The following EIF2D variants were observed in gnomAD, a reference collection of about 807,000 sequenced individuals.
The protein encoded by EIF2D is hepatocellular carcinoma-associated antigen 56.
In EIF2D, 56 loss-of-function variants were observed where a neutral mutation model predicts 77.4. The ratio of observed to expected loss-of-function variants is 0.72; its 90% CI spans 0.58 to 0.90. The LOEUF (loss-of-function observed/expected upper bound fraction) is 0.90. Among genes scored for constraint, EIF2D ranks in the 40% least tolerant of loss-of-function variants. The pLI is 0.00. For synonymous variants in EIF2D, 230 were observed against 271.0 expected, an observed-to-expected ratio of 0.85 and a Z score of 1.49; for missense variants, 574 against 706.5, an observed-to-expected ratio of 0.81 and a Z score of 2.13.
chr1:206,607,642 GATA>G (rs200148663), intron 4 of EIF2D, among the ~76,000 whole-genome samples: 3,381 of 152,000 alleles, frequency 0.022, 67 homozygotes, highest in Non-Finnish European at 0.033. Context: ...AAAAGATGAG[GATA>G]ATGATATGCA....
intron 4 of EIF2D, among the ~76,000 whole-genome samples, chr1:206,575,867 A>T (rs1334883360): frequency 1.3e-5 from 2 of 152,228 alleles, no homozygotes; most frequent in African/African-American, 4.8e-5. Context: ...CTAACGCCAA[A>T]GTCCAAAGCC....
chr1:206,591,932 T>A, intron 14 of EIF2D, 87 bp from the exon 15 acceptor site: 1 of 1,290,218 alleles, frequency 7.8e-7, no homozygotes, highest in Non-Finnish European at 1.1e-6. Flanking sequence ...CCTCACAATG[T>A]CATTCCACCC....
In EIF2D at chr1:206,593,781, G is replaced by A. The variant is rs781892470; in HGVS notation, c.1522C>T (p.Arg508Trp). The change falls in exon 14 of 15, where the codon CGG becomes TGG. Residue 508 changes from arginine to tryptophan, a missense_variant. Transcript: ENST00000271764. ...RASNKKVTVVRNLEAYGLDPY... is the reference protein window; with the variant it reads ...RASNKKVTVVWNLEAYGLDPY... ...TCCAGACCATAGGCCTCCAAGTTCC[G>A]GACCACGGTCACCTGGGGGGACAGT... The A allele has an allele frequency of 6.9e-6, 11 of 1,600,202 alleles. No homozygotes were observed. Among genetic ancestry groups the A allele is most frequent in the Admixed American group, 5.0e-5 (3 of 59,538 alleles).
chr1:206,588,078 C>T (rs935435239), downstream of EIF2D: 6 of 152,762 alleles, frequency 3.9e-5, no homozygotes, highest in Admixed American at 6.5e-5. Context: ...GGGCCAGACC[C>T]GGCACTGCGC....
chr1:206,607,219 A>G (rs1553412883), intron 4 of EIF2D, among the ~76,000 whole-genome samples: 1 of 152,220 alleles, frequency 6.6e-6, no homozygotes, highest in Non-Finnish European at 1.5e-5. Flanking sequence ...AAAATTAAAA[A>G]AAGAAAACGT....
intron 4 of EIF2D, among the ~76,000 whole-genome samples, chr1:206,573,775 A>G (rs1668536867): frequency 6.6e-6 from 1 of 152,248 alleles, no homozygotes; most frequent in Non-Finnish European, 1.5e-5. Flanking sequence ...TGGGAGGCCA[A>G]AGCGGGAGGA....
chr1:206,608,204 T>C, intron 4 of EIF2D, 32 bp downstream of exon 4: 1 of 1,592,884 alleles, frequency 6.3e-7, no homozygotes, highest in Non-Finnish European at 8.6e-7. Context: ...CACAAGTTTT[T>C]CCCCCAAAGG....
chr1:206,591,886 C>T (rs1553409040), intron 14 of EIF2D, 41 bp from the exon 15 acceptor site: 1 of 1,608,016 alleles, frequency 6.2e-7, no homozygotes, highest in East Asian at 2.2e-5. Flanking sequence ...GGAGCATGAC[C>T]TTGCTCCCCG....
In EIF2D at chr1:206,612,455, C is replaced by T; in HGVS notation, c.-113G>A. ...TGGGGGCAGCCATGCTGGGGCCCGG[C>T]CGCGAAAAGGGCCCGGCTGGAAACC... On this transcript the variant is annotated 5_prime_UTR_variant, in exon 1 of 15. Coordinates refer to ENST00000271764, the MANE Select transcript of EIF2D (RefSeq NM_006893.3). 1 of 1,409,226 alleles carries T rather than the reference C, an allele frequency of 7.1e-7. No homozygotes were observed. The highest frequency in any genetic ancestry group is 9.9e-7 in the Non-Finnish European group (1 of 1,005,984). 87.3% of individuals were successfully genotyped at this position (1,409,226 alleles called of 1,614,324 possible).
chr1:206,584,429 A>G lies in EIF2D; in HGVS notation c.139-3267T>C. ...CACGGGTTTCATCAAAGTGCATCTG[A>G]AACTCCGGCGGCCTGTGACGGTGCC... On this transcript the variant is annotated intron_variant and NMD_transcript_variant, in intron 2 of 5. Coordinates refer to the EIF2D transcript ENST00000472709. The surrounding 1 kb of genome is among the most constrained non-coding windows in gnomAD (Gnocchi z 4.9). 6.2e-7 allele frequency: 1 copy of G among 1,614,100 alleles called. No homozygotes were observed. Among genetic ancestry groups the G allele is most frequent in the Non-Finnish European group, 8.5e-7 (1 of 1,179,986 alleles).
intron 2 of EIF2D, chr1:206,585,187 C>T (rs782493973): frequency 1.2e-6 from 2 of 1,613,830 alleles, no homozygotes; most frequent in Admixed American, 1.7e-5. Context: ...CAGTGCTCTT[C>T]CAGAAACTCT....
rs1668796691 is a variant in EIF2D, at chr1:206,579,780, G to GT, written c.*254+911dup. ...CCAGATGATTGCACTGTGCAGACAA[G>GT]TTTAAGAACCACTGGTCTGGATTAT... On this transcript the variant is annotated intron_variant and NMD_transcript_variant, in intron 4 of 5. Transcript: ENST00000472709. This position sits in a 1 kb window ranked among gnomAD's most constrained non-coding sequence, Gnocchi z 4.2. Among the ~76,000 whole-genome samples the GT allele has an allele frequency of 6.6e-6, 1 of 152,234 alleles. No individual in the cohort carries two copies. Among genetic ancestry groups the GT allele is most frequent in the African/African-American group, 2.4e-5 (1 of 41,468 alleles).
intron 4 of EIF2D, among the ~76,000 whole-genome samples, chr1:206,578,807 C>G (rs1456258944): frequency 2.5e-4 from 38 of 152,226 alleles, no homozygotes; most frequent in Admixed American, 2.1e-3. Flanking sequence ...TCACTCAGAG[C>G]CTCTCCTTAG....
intron 5 of EIF2D, 146 bp from the exon 6 acceptor site, chr1:206,603,350 T>A: frequency 9.4e-7 from 1 of 1,069,114 alleles, no homozygotes; most frequent in East Asian, 2.6e-5. Context: ...TGTGCCCTCA[T>A]CTCAAGCGTA....
At chr1:206,600,552 C>T (rs1444136382) in intron 7 of EIF2D, 2 of 442,426 alleles carry the variant, frequency 4.5e-6, no homozygotes, top group East Asian at 3.4e-5. Context: ...TCTAACAGGG[C>T]AGCCATTAGC....
Position 206,595,734 on chromosome 1 carries a change from C to T in EIF2D, c.1493G>A (p.Arg498Lys). ...TAAAATTACCTTTTTATTAGACGCTCTTTGTGCTAGGGTGATGTCAATTGG... is the reference window on the plus strand; with the variant it reads ...TAAAATTACCTTTTTATTAGACGCTTTTTGTGCTAGGGTGATGTCAATTGG... ...ICPIDITLAQ[R>K]ASNKKVTVVR... The change falls in exon 13 of 15, where the codon AGA becomes AAA. Residue 498 changes from arginine (R) to lysine (K), a missense_variant. Coordinates refer to ENST00000271764, the MANE Select transcript of EIF2D (RefSeq NM_006893.3). The T allele has an allele frequency of 6.2e-7, 1 of 1,613,650 alleles. No individual in the cohort carries two copies. The highest frequency in any genetic ancestry group is 8.5e-7 in the Non-Finnish European group (1 of 1,179,678).
intron 3 of EIF2D, among the ~76,000 whole-genome samples, chr1:206,609,051 C>CAAAAAA (rs201039918): frequency 7.2e-6 from 1 of 139,544 alleles, no homozygotes. Context: ...GACTCCATCT[C>CAAAAAA]AAAAAAAAAA....
Position 206,592,974 on chromosome 1 carries a change from C to T in EIF2D, c.1684+645G>A, listed in dbSNP as rs1413885167. ...AAAATTAGCTGGCCGTGGTGGCATG[C>T]GCCTATAATCCCAGCTACTCGGGAG... On this transcript the variant is annotated intron_variant, in intron 14 of 14. Transcript: ENST00000271764. This position sits in a 1 kb window ranked among gnomAD's most constrained non-coding sequence, Gnocchi z 4.7. Among the ~76,000 whole-genome samples, 3 of 151,952 alleles carry T rather than the reference C, an allele frequency of 2.0e-5. No individual in the cohort carries two copies. The highest frequency in any genetic ancestry group is 7.3e-5 in the African/African-American group (3 of 41,322).
chr1:206,573,379 A>T (rs1553404572), intron 4 of EIF2D, among the ~76,000 whole-genome samples: 1 of 152,218 alleles, frequency 6.6e-6, no homozygotes, highest in African/African-American at 2.4e-5. Flanking sequence ...TCAGAAGCCA[A>T]ATACACACTC....
Sources: gnomAD v4.1 joint callset for allele counts (sites outside exome capture counted in the v4.1 genomes callset) on GRCh38, gnomAD v4.1.1 for gene constraint, Gnocchi (gnomAD v3.1) non-coding constraint, MANE v1.5 for transcripts, NCBI Gene and HGNC (gene_info 2026-07-23, HGNC 2026-07-21) for gene names.